The following DOK6 variants were observed in gnomAD, a reference collection of about 807,000 sequenced individuals.
DOK6 encodes the protein downstream of tyrosine kinase 6.
In DOK6, 22 loss-of-function variants were observed where a neutral mutation model predicts 44.0. The ratio of observed to expected loss-of-function variants is 0.50; its 90% CI spans 0.36 to 0.71. The LOEUF (loss-of-function observed/expected upper bound fraction) is 0.71, where lower values mean the gene tolerates loss of function less well. DOK6 is among the 30% of genes least tolerant of loss of function. The probability of loss-of-function intolerance (pLI) is 0.00; values close to 1 mark genes in which losing one functional copy is unlikely to be tolerated. For synonymous variants in DOK6, 166 were observed against 145.5 expected, an observed-to-expected ratio of 1.14 and a Z score of -1.01; for missense variants, 340 against 416.4, an observed-to-expected ratio of 0.82 and a Z score of 1.60.
intron 7 of DOK6, among the ~76,000 whole-genome samples, chr18:69,784,999 T>G (rs1980387613): frequency 6.6e-6 from 1 of 152,180 alleles, no homozygotes; most frequent in Non-Finnish European, 1.5e-5. Flanking sequence ...AAGCATAATC[T>G]CATGCTATAT....
intron 7 of DOK6, among the ~76,000 whole-genome samples, chr18:69,773,508 A>G (rs1979949914): frequency 6.6e-6 from 1 of 152,040 alleles, no homozygotes; most frequent in South Asian, 2.1e-4. Context: ...TTCAGCCTCA[A>G]AAAAGATAGA....
chr18:69,558,846 A>G (rs547327792), intron 1 of DOK6, among the ~76,000 whole-genome samples: 27 of 152,276 alleles, frequency 1.8e-4, no homozygotes, highest in Non-Finnish European at 2.5e-4. Flanking sequence ...TTTAGTTAAT[A>G]GTATTTGACC....
chr18:69,594,336 A>C (rs938858099), intron 2 of DOK6, among the ~76,000 whole-genome samples: 2 of 152,022 alleles, frequency 1.3e-5, no homozygotes, highest in African/African-American at 4.8e-5. Flanking sequence ...ATACAAATAT[A>C]TGTATTTTTA....
At chr18:69,778,160 A>G (rs560125398) in intron 7 of DOK6, among the ~76,000 whole-genome samples, 1 of 152,326 alleles carries the variant, frequency 6.6e-6, no homozygotes, top group South Asian at 2.1e-4. Flanking sequence ...CGGAAAATAC[A>G]TGGGTATGCG....
intron 1 of DOK6, among the ~76,000 whole-genome samples, chr18:69,445,791 C>T (rs145562505): frequency 1.2e-4 from 18 of 152,168 alleles, no homozygotes; most frequent in East Asian, 1.9e-4. Flanking sequence ...GAGGCTGACA[C>T]GGGAGGATCA....
chr18:69,515,518 G>T (rs1468321841), intron 1 of DOK6, among the ~76,000 whole-genome samples: 2 of 152,122 alleles, frequency 1.3e-5, no homozygotes, highest in African/African-American at 2.4e-5. Context: ...ATAAATGAGG[G>T]ATTCAGGCGT....
intron 3 of DOK6, among the ~76,000 whole-genome samples, chr18:69,648,133 T>C (rs1177098850): frequency 6.6e-6 from 1 of 152,222 alleles, no homozygotes; most frequent in African/African-American, 2.4e-5. Flanking sequence ...TTTTTTACGT[T>C]ACACATCCAG....
intron 1 of DOK6, among the ~76,000 whole-genome samples, chr18:69,421,610 A>G (rs1193875140): frequency 1.3e-5 from 2 of 152,186 alleles, no homozygotes; most frequent in Non-Finnish European, 2.9e-5. Flanking sequence ...ATTTGCCACA[A>G]TGAAGGAGTA....
intron 1 of DOK6, among the ~76,000 whole-genome samples, chr18:69,438,703 A>G (rs1193774476): frequency 6.6e-6 from 1 of 152,200 alleles, no homozygotes; most frequent in Admixed American, 6.5e-5. Flanking sequence ...TATTTCTTAA[A>G]TAATAAGATT....
intron 7 of DOK6, among the ~76,000 whole-genome samples, chr18:69,840,784 C>G (rs998709063): frequency 6.6e-6 from 1 of 152,188 alleles, no homozygotes; most frequent in Non-Finnish European, 1.5e-5. Context: ...GGGTAAAGCA[C>G]AGCTTGCCTG....
Position 69,450,942 on chromosome 18 carries a change from G to A in DOK6, c.66+49632G>A, listed in dbSNP as rs1166502693. On this transcript the variant is annotated intron_variant, in intron 1 of 7. Transcript: ENST00000382713. ...ACATGGAAAGGAACAACCGGTACCA[G>A]CCGCTGCAAAATCATGCCAAAATGT... 2.1e-4 allele frequency among the ~76,000 whole-genome samples: 31 copies of A among 149,332 alleles called. No individual in the cohort carries two copies. The East Asian group carries it at 5.8e-3, about 28-fold the overall frequency.
At chr18:69,458,436 A>G (rs552026164) in intron 1 of DOK6, among the ~76,000 whole-genome samples, 6 of 152,196 alleles carry the variant, frequency 3.9e-5, no homozygotes, top group Non-Finnish European at 8.8e-5. Context: ...CAAGGCCAAT[A>G]TCATACTGAC....
intron 5 of DOK6, among the ~76,000 whole-genome samples, chr18:69,719,510 A>G (rs1017565312): frequency 6.6e-6 from 1 of 152,226 alleles, no homozygotes; most frequent in African/African-American, 2.4e-5. Flanking sequence ...GCAGTAAGCA[A>G]TTATAGAAAG....
intron 1 of DOK6, among the ~76,000 whole-genome samples, chr18:69,509,600 T>C (rs533835815): frequency 1.6e-5 from 2 of 128,924 alleles, no homozygotes; most frequent in Non-Finnish European, 3.1e-5. Context: ...ATCGCGCCGC[T>C]GCACTCCAGC....
intron 4 of DOK6, among the ~76,000 whole-genome samples, chr18:69,694,905 CA>C (rs1223523814): frequency 6.6e-6 from 1 of 152,084 alleles, no homozygotes; most frequent in Non-Finnish European, 1.5e-5. Context: ...AATTGTAAAC[CA>C]TCTTCCATGT....
At chr18:69,749,005 T>C (rs1324388001) in intron 6 of DOK6, among the ~76,000 whole-genome samples, 1 of 152,176 alleles carries the variant, frequency 6.6e-6, no homozygotes, top group Non-Finnish European at 1.5e-5. Flanking sequence ...GTCCTTTTCA[T>C]GGACATGGAT....
At chr18:69,612,681 C>T (rs1984188675) in intron 3 of DOK6, among the ~76,000 whole-genome samples, 1 of 150,894 alleles carries the variant, frequency 6.6e-6, no homozygotes, top group African/African-American at 2.4e-5. Flanking sequence ...TTCACGGTCT[C>T]TCTACTCTGG....
intron 3 of DOK6, among the ~76,000 whole-genome samples, chr18:69,640,652 A>G (rs971071675): frequency 6.6e-6 from 1 of 152,218 alleles, no homozygotes; most frequent in African/African-American, 2.4e-5. Context: ...AGTTGGATCC[A>G]GATGGGCTTC....
Position 69,639,887 on chromosome 18 carries a change from G to A in DOK6, c.290-37847G>A, listed in dbSNP as rs145623949. On this transcript the variant is annotated intron_variant, in intron 3 of 7. Transcript: ENST00000382713. ...CCTGTCCCAAAGCTAAGCAAGAGTG[G>A]AATTATCTCCCCAAAGTCCCTTGTC... Among the ~76,000 whole-genome samples the A allele has an allele frequency of 1.2e-3, 182 of 152,166 alleles. 1 individual carries two copies. Among genetic ancestry groups the A allele is most frequent in the Middle Eastern group, 3.4e-3 (1 of 294 alleles).
Sources: allele counts gnomAD v4.1 joint callset (sites outside exome capture counted in the v4.1 genomes callset), GRCh38; gene constraint gnomAD v4.1.1; transcripts MANE v1.5; gene names NCBI Gene and HGNC (gene_info 2026-07-23, HGNC 2026-07-21).